The following ANKRD50 variants were observed in gnomAD, a reference collection of about 807,000 sequenced individuals.
ANKRD50 encodes ankyrin repeat domain 50.
ANKRD50 carries 40 observed loss-of-function variants against 112.0 expected under a neutral mutation model. The ratio of observed to expected loss-of-function variants is 0.36; its 90% CI spans 0.28 to 0.46. The LOEUF (loss-of-function observed/expected upper bound fraction) is 0.46. ANKRD50 is among the 20% of genes least tolerant of loss of function. The pLI is 1.00. For missense variants in ANKRD50, 1,487 were observed against 1,701.7 expected (o/e 0.87, Z 2.22); for synonymous variants, 613 against 619.1 (o/e 0.99, Z 0.15).
rs151070091 is a variant in ANKRD50 at position 124,672,072 on chromosome 4, T to C, written c.1205A>G (p.Asn402Ser). Residue 402 changes from asparagine (N) to serine (S), a missense_variant, in exon 4 of 5, where the codon AAT (asparagine) becomes AGT (serine). Asn to Ser is a conservative substitution (Grantham distance 46). Around this residue, in one of 2 missense-constraint regions of ANKRD50, gnomAD observed 1,046 missense variants for 1,269.5 expected, o/e 0.82. Coordinates refer to ENST00000504087, the MANE Select transcript of ANKRD50 (RefSeq NM_020337.3). ...ACTATAATGAAACAGTATTTTTGTA[T>C]TTCCTAGTCCATCAACAAGAAGTTT... ...LSKLLVDGLG[N>S]TKILFHYSFA... 3 of 1,613,804 alleles carry C rather than the reference T, an allele frequency of 1.9e-6. No individual in the cohort carries two copies. The highest frequency in any genetic ancestry group is 2.7e-5 in the African/African-American group (2 of 74,890).
Position 124,710,514 on chromosome 4 carries a change from C to A in ANKRD50, c.-3G>T, listed in dbSNP as rs759244855. 1 of 1,605,690 alleles carries A rather than the reference C, an allele frequency of 6.2e-7. No individual in the cohort carries two copies. Among genetic ancestry groups the A allele is most frequent in the East Asian group, 2.2e-5 (1 of 44,822 alleles). On this transcript the variant is annotated 5_prime_UTR_variant, in exon 2 of 5. Coordinates refer to ENST00000504087, the MANE Select transcript of ANKRD50 (RefSeq NM_020337.3). ...TTCTCTTCCCAAGGATTAGTCATAA[C>A]GGGTTTTTTATCTTCATTTGCTAGA...
At chr4:124,692,867 A>C (rs1378627823) in intron 2 of ANKRD50, among the ~76,000 whole-genome samples, 2 of 152,196 alleles carry the variant, frequency 1.3e-5, no homozygotes, top group African/African-American at 4.8e-5. Context: ...ACTAAGACAC[A>C]AACTGACATT....
intron 2 of ANKRD50, among the ~76,000 whole-genome samples, chr4:124,701,950 T>G (rs141937433): frequency 2.0e-5 from 3 of 151,776 alleles, no homozygotes; most frequent in African/African-American, 7.3e-5. Flanking sequence ...TGCAAAAAAA[T>G]CAAACCCTCA....
rs1725591921 is a variant in ANKRD50 at position 124,709,980 on chromosome 4, C to G, written c.512+20G>C. ...AATTTCAGCATAGAAATCTGAACACCATGACATTTTTATTGTTACCTTTTA... is the reference window on the plus strand; with the variant it reads ...AATTTCAGCATAGAAATCTGAACACGATGACATTTTTATTGTTACCTTTTA... On this transcript the variant is annotated intron_variant, in intron 2 of 4. Transcript: ENST00000504087. The G allele has an allele frequency of 6.3e-7, 1 of 1,585,692 alleles. No homozygotes were observed. Among genetic ancestry groups the G allele is most frequent in the Admixed American group, 1.8e-5 (1 of 54,320 alleles).
Position 124,671,231 on chromosome 4 carries a change from T to C in ANKRD50, c.2046A>G (p.Ile682Met). The C allele has an allele frequency of 6.2e-7, 1 of 1,613,954 alleles. No homozygotes were observed. ...CTCTATGTCCCATGTATGCTGCTGC[T>C]ATCAAAGCAGTTCTACCTTCATTAT... is the stretch of plus-strand genomic sequence containing the variant. The part of the protein sequence containing the change: ...KADNEGRTAL[I>M]AAAYMGHREI... Residue 682 changes from isoleucine (I) to methionine (M), a missense_variant, in exon 4 of 5, where the codon ATA (isoleucine) becomes ATG (methionine). Physicochemically the swap from Ile to Met is conservative, Grantham distance 10. Transcript: ENST00000504087.
At chr4:124,687,370 G>A (rs1038920069) in intron 2 of ANKRD50, among the ~76,000 whole-genome samples, 3 of 151,726 alleles carry the variant, frequency 2.0e-5, no homozygotes, top group South Asian at 2.1e-4. Flanking sequence ...CTCTCACCCC[G>A]TCCCACAAAA....
rs757818256 is a variant in ANKRD50, at chr4:124,669,394, T to C, written c.3883A>G (p.Lys1295Glu). The change falls in exon 4 of 5, where the codon AAG becomes GAG. Residue 1295 changes from lysine to glutamate, a missense_variant. By Grantham distance (56) the Lys-to-Glu change is moderately conservative. Transcript: ENST00000504087. ...KAKQSNSSQP[K>E]VLEYEMTQFD... The stretch of plus-strand genomic sequence containing the variant: ...TGAGTCATTTCATATTCTAAAACCT[T>C]TGGCTGTGAAGAATTACTTTGTTTC... The C allele has an allele frequency of 1.2e-6, 2 of 1,613,534 alleles. No individual in the cohort carries two copies. Among genetic ancestry groups the C allele is most frequent in the East Asian group, 2.2e-5 (1 of 44,850 alleles).
At chr4:124,674,860 G>C (rs1318222498) in intron 3 of ANKRD50, among the ~76,000 whole-genome samples, 5 of 151,722 alleles carry the variant, frequency 3.3e-5, no homozygotes, top group African/African-American at 1.2e-4. Context: ...GGTTATAATA[G>C]TTATCTGTTC....
intron 2 of ANKRD50, among the ~76,000 whole-genome samples, chr4:124,679,314 C>G (rs1419127233): frequency 6.6e-6 from 1 of 152,022 alleles, no homozygotes; most frequent in African/African-American, 2.4e-5. Context: ...TAATAAAAAG[C>G]AAAATATCAA....
rs1725241960 is a variant in ANKRD50, at chr4:124,695,922, A to G, written c.512+14078T>C. Among the ~76,000 whole-genome samples the G allele has an allele frequency of 2.6e-5, 4 of 152,174 alleles. No homozygotes were observed. The South Asian group carries it at 8.3e-4, about 31-fold the overall frequency. ...TTCCTGTTGTTGTTACTTTGTTTTAATTAGCCTTTTCTGATAAAAGACATC... is the reference window on the plus strand; with the variant it reads ...TTCCTGTTGTTGTTACTTTGTTTTAGTTAGCCTTTTCTGATAAAAGACATC... On this transcript the variant is annotated intron_variant, in intron 2 of 4. Transcript: ENST00000504087.
rs1389634552 is a variant in ANKRD50 at position 124,712,704 on chromosome 4, C to G, written c.-1010G>C. On this transcript the variant is annotated 5_prime_UTR_variant, in exon 1 of 5. Coordinates refer to ENST00000504087, the MANE Select transcript of ANKRD50 (RefSeq NM_020337.3). Reference sequence around the variant, plus strand: ...CGCCCCAGCCCCCACCGGCCAACCGCCGCCGCCGCCGCCGTCAGGGCAGTA... The same window carrying G: ...CGCCCCAGCCCCCACCGGCCAACCGGCGCCGCCGCCGCCGTCAGGGCAGTA... 6.4e-6 allele frequency: 1 copy of G among 157,446 alleles called. No homozygotes were observed. Among genetic ancestry groups the G allele is most frequent in the Non-Finnish European group, 1.4e-5 (1 of 72,970 alleles). 9.8% of individuals were successfully genotyped at this position (157,446 alleles called of 1,614,324 possible). A position where few individuals can be genotyped will look rare whatever the true frequency, so the allele number is the denominator to read the frequency against.
intron 1 of ANKRD50, among the ~76,000 whole-genome samples, chr4:124,712,178 G>C (rs1725651382): frequency 6.6e-6 from 1 of 152,078 alleles, no homozygotes; most frequent in Non-Finnish European, 1.5e-5. Flanking sequence ...CCCGCACCGA[G>C]ATTGGGGTGT....
At chr4:124,677,536 A>G (rs1201839577) in intron 3 of ANKRD50, among the ~76,000 whole-genome samples, 1 of 151,932 alleles carries the variant, frequency 6.6e-6, no homozygotes, top group Non-Finnish European at 1.5e-5. Context: ...TAGCAACGAT[A>G]TATTTCTGAA....
At chr4:124,689,122 C>T (rs950459762) in intron 2 of ANKRD50, among the ~76,000 whole-genome samples, 3 of 152,106 alleles carry the variant, frequency 2.0e-5, no homozygotes, top group African/African-American at 7.2e-5. Context: ...GTTTAGCATC[C>T]ACTTTCAAAA....
At chr4:124,675,213 G>A (rs954938888) in intron 3 of ANKRD50, among the ~76,000 whole-genome samples, 7 of 151,260 alleles carry the variant, frequency 4.6e-5, no homozygotes, top group East Asian at 1.9e-4. Flanking sequence ...ATTCTTACTT[G>A]AAACATTTCT....
chr4:124,675,572 T>C (rs1730755524), intron 3 of ANKRD50, among the ~76,000 whole-genome samples: 1 of 151,774 alleles, frequency 6.6e-6, no homozygotes, highest in Non-Finnish European at 1.5e-5. Flanking sequence ...AAGGGGAACA[T>C]ATACAGAATT....
rs1284955682 is a variant in ANKRD50, at chr4:124,678,809, A to G, written c.609T>C (p.Gly203=). ...SVDEGCNITE[G]EQTSTSLSGT... The stretch of plus-strand genomic sequence containing the variant: ...CAGATAAGCTGGTAGACGTTTGTTC[A>G]CCTTCAGTAATGTTACACCCTTCAT... The change falls in exon 3 of 5, where the codon GGT becomes GGC. Residue 203 remains glycine (G), a synonymous_variant. Transcript: ENST00000504087. 6.2e-7 allele frequency: 1 copy of G among 1,613,852 alleles called. No individual in the cohort carries two copies. Among genetic ancestry groups the G allele is most frequent in the Non-Finnish European group, 8.5e-7 (1 of 1,179,810 alleles).
At chr4:124,686,566 A>G (rs1578582667) in intron 2 of ANKRD50, among the ~76,000 whole-genome samples, 1 of 152,172 alleles carries the variant, frequency 6.6e-6, no homozygotes, top group East Asian at 1.9e-4. Flanking sequence ...GGGGAGGAAT[A>G]GAATAAGCAT....
rs1157686289 is a variant in ANKRD50 at position 124,667,290 on chromosome 4, T to A, written c.*228A>T. The A allele has an allele frequency of 6.6e-6, 1 of 152,070 alleles. No homozygotes were observed. Among genetic ancestry groups the A allele is most frequent in the Non-Finnish European group, 1.5e-5 (1 of 67,960 alleles). The allele number at this position is 152,070 out of a possible 1,614,324, so 9.4% of individuals were successfully genotyped here. A position where few individuals can be genotyped will look rare whatever the true frequency, so the allele number is the denominator to read the frequency against. ...CATTTTTAAAAAGTGCTTATTCCTG[T>A]GTAGTGAATACAAAGCACACAAAAT... On this transcript the variant is annotated 3_prime_UTR_variant, in exon 5 of 5. Transcript: ENST00000504087.
Sources: gnomAD v4.1 joint callset for allele counts (sites outside exome capture counted in the v4.1 genomes callset) on GRCh38, gnomAD v4.1.1 for gene constraint, gnomAD v4.1.1 regional missense constraint, MANE v1.5 for transcripts, NCBI Gene and HGNC (gene_info 2026-07-23, HGNC 2026-07-21) for gene names.